Variants in TYW1B observed in about 807,000 individuals in gnomAD.
The protein encoded by TYW1B is S-adenosyl-L-methionine-dependent tRNA 4-demethylwyosine synthase TYW1B.
TYW1B carries 73 observed loss-of-function variants against 86.9 expected under a neutral mutation model. The ratio of observed to expected loss-of-function variants is 0.84; its 90% CI spans 0.70 to 1.02. TYW1B has a LOEUF of 1.02. TYW1B is among the 50% of genes least tolerant of loss of function. TYW1B has a pLI of 0.00. For synonymous variants in TYW1B, 248 were observed against 292.8 expected (o/e 0.85, Z 1.56); for missense variants, 637 against 827.4 (o/e 0.77, Z 2.82).
intron 8 of TYW1B, among the ~76,000 whole-genome samples, chr7:72,732,713 CA>C (rs1181917271): frequency 5.3e-5 from 8 of 151,704 alleles, no homozygotes; most frequent in African/African-American, 1.4e-4. Context: ...ACTAGAAAAG[CA>C]AAAACAAACC....
intron 9 of TYW1B, among the ~76,000 whole-genome samples, chr7:72,720,769 C>T (rs745786350): frequency 2.6e-4 from 40 of 152,032 alleles, no homozygotes; most frequent in Non-Finnish European, 5.6e-4. Flanking sequence ...ATTATTATAC[C>T]TTAAGTTCTA....
chr7:72,701,519 CT>C (rs376221763), intron 10 of TYW1B, among the ~76,000 whole-genome samples: 17 of 152,174 alleles, frequency 1.1e-4, no homozygotes, highest in African/African-American at 4.1e-4. Flanking sequence ...CCGTCCCAGC[CT>C]CCCGAAGTGC....
At chr7:72,732,479 A>C (rs1787130687) in intron 8 of TYW1B, among the ~76,000 whole-genome samples, 1 of 152,220 alleles carries the variant, frequency 6.6e-6, no homozygotes, top group Non-Finnish European at 1.5e-5. Flanking sequence ...GAACCTATAC[A>C]AAGTAATGGA....
intron 11 of TYW1B, among the ~76,000 whole-genome samples, chr7:72,636,127 T>A (rs1205183694): frequency 1.3e-5 from 2 of 152,248 alleles, no homozygotes; most frequent in Non-Finnish European, 2.9e-5. Context: ...ATTTTATAGT[T>A]TTCAATATAA....
intron 9 of TYW1B, among the ~76,000 whole-genome samples, chr7:72,716,604 C>G (rs1182230610): frequency 6.6e-6 from 1 of 151,566 alleles, no homozygotes; most frequent in Non-Finnish European, 1.5e-5. Flanking sequence ...AGATGCAGAG[C>G]CAGTGAACGA....
At chr7:72,612,844 G>A (rs1295378412) in intron 13 of TYW1B, among the ~76,000 whole-genome samples, 1 of 151,856 alleles carries the variant, frequency 6.6e-6, no homozygotes, top group Non-Finnish European at 1.5e-5. Flanking sequence ...TGACCTCCTG[G>A]GCTCAGATGA....
intron 11 of TYW1B, among the ~76,000 whole-genome samples, chr7:72,661,074 G>A (rs1409792566): frequency 2.0e-5 from 3 of 151,330 alleles, no homozygotes; most frequent in Non-Finnish European, 2.9e-5. Flanking sequence ...GGCGGAGGTT[G>A]CAGTGAGCCA....
Position 72,811,813 on chromosome 7 carries a change from G to A in TYW1B, c.238-1148C>T, listed in dbSNP as rs1255276291. 9.2e-5 allele frequency among the ~76,000 whole-genome samples: 14 copies of A among 151,462 alleles called. No homozygotes were observed. The South Asian group carries it at 1.3e-3, about 14-fold the overall frequency. ...TGTAGTTCCAGCTACTCGGGAGGCT[G>A]AGGCAGGAAAACTGCTTTAGCCCAG... On this transcript the variant is annotated intron_variant, in intron 3 of 13. Transcript: ENST00000620995.
intron 7 of TYW1B, among the ~76,000 whole-genome samples, chr7:72,758,871 C>T (rs1182007305): frequency 6.6e-6 from 1 of 152,136 alleles, no homozygotes; most frequent in Non-Finnish European, 1.5e-5. Flanking sequence ...GTTTGTGTGC[C>T]TCATTTAATA....
intron 13 of TYW1B, among the ~76,000 whole-genome samples, chr7:72,576,750 G>T (rs1811031374): frequency 6.6e-6 from 1 of 151,876 alleles, no homozygotes; most frequent in Non-Finnish European, 1.5e-5. Context: ...CTAACCTCGT[G>T]ATCCGCCGGC....
intron 6 of TYW1B, among the ~76,000 whole-genome samples, chr7:72,799,151 C>CTTTTTTTTTTT (rs1309407026): frequency 1.7e-5 from 1 of 58,558 alleles, no homozygotes; most frequent in African/African-American, 6.9e-5. Context: ...CCGGGTCTGC[C>CTTTTTTTTTTT]TTTTTTTTTT....
intron 11 of TYW1B, among the ~76,000 whole-genome samples, chr7:72,673,667 A>G (rs1585893366): frequency 1.3e-5 from 2 of 152,220 alleles, no homozygotes; most frequent in African/African-American, 2.4e-5. Flanking sequence ...GAAAAAATGA[A>G]TAAGACCTAG....
intron 10 of TYW1B, among the ~76,000 whole-genome samples, chr7:72,708,249 C>T (rs1585918884): frequency 6.6e-6 from 1 of 152,028 alleles, no homozygotes; most frequent in Admixed American, 6.6e-5. Flanking sequence ...TTGACAAAGT[C>T]TAGATTCCCC....
At chr7:72,807,024 A>T (rs1788508019) in intron 5 of TYW1B, 42 bp downstream of exon 5, 3 of 1,589,976 alleles carry the variant, frequency 1.9e-6, no homozygotes, top group Non-Finnish European at 2.6e-6. Context: ...ATCTCCAAGC[A>T]GAGGGGGAAA....
chr7:72,676,011 A>T (rs1813727632), intron 11 of TYW1B, among the ~76,000 whole-genome samples: 1 of 152,160 alleles, frequency 6.6e-6, no homozygotes, highest in Non-Finnish European at 1.5e-5. Flanking sequence ...AAAAATGATA[A>T]CTTTAGGTAG....
intron 10 of TYW1B, among the ~76,000 whole-genome samples, chr7:72,704,326 C>T (rs868976920): frequency 6.7e-6 from 1 of 150,120 alleles, no homozygotes; most frequent in South Asian, 2.1e-4. Flanking sequence ...CCCAGATACT[C>T]GGGAGGCTGA....
chr7:72,826,610 G>C (rs751180701), intron 2 of TYW1B, among the ~76,000 whole-genome samples: 4 of 152,004 alleles, frequency 2.6e-5, no homozygotes, highest in Non-Finnish European at 5.9e-5. Flanking sequence ...CATATAAAAG[G>C]TTCACTTTTC....
chr7:72,588,085 T>C (rs1554430780), intron 13 of TYW1B, among the ~76,000 whole-genome samples: 1 of 152,240 alleles, frequency 6.6e-6, no homozygotes, highest in Non-Finnish European at 1.5e-5. Flanking sequence ...TTGCCTGCAA[T>C]AGTGGAATGC....
At chr7:72,774,297 C>A (rs1344721583) in intron 7 of TYW1B, among the ~76,000 whole-genome samples, 3 of 149,938 alleles carry the variant, frequency 2.0e-5, no homozygotes, top group African/African-American at 7.4e-5. Flanking sequence ...CTATACTGAG[C>A]CGGCTCTTGT....
Sources: gnomAD v4.1 joint callset for allele counts (sites outside exome capture counted in the v4.1 genomes callset) on GRCh38, gnomAD v4.1.1 for gene constraint, MANE v1.5 for transcripts, NCBI Gene and HGNC (gene_info 2026-07-23, HGNC 2026-07-21) for gene names.